Variants in COL24A1 observed in about 807,000 individuals in gnomAD.
COL24A1 encodes collagen alpha-1(XXIV) chain.
Under a neutral mutation model 253.9 loss-of-function variants are expected in COL24A1, and 224 were observed. The observed-to-expected ratio is 0.88, with a 90% CI of 0.79 to 0.99. The LOEUF is 0.99. COL24A1 is among the 50% of genes least tolerant of loss of function. COL24A1 has a pLI of 0.00. For missense variants in COL24A1, 2,131 were observed against 2,068.5 expected (o/e 1.03, Z -0.59); for synonymous variants, 685 against 673.7 (o/e 1.02, Z -0.26).
chr1:85,905,991 C>T (rs1171076423), intron 28 of COL24A1, among the ~76,000 whole-genome samples: 2 of 151,934 alleles, frequency 1.3e-5, no homozygotes, highest in African/African-American at 4.8e-5. Flanking sequence ...GTACTAACCA[C>T]TAAATGGCAG....
chr1:86,037,862 T>C (rs61800726), intron 12 of COL24A1, among the ~76,000 whole-genome samples: 34,939 of 152,142 alleles, frequency 0.23, 4,383 homozygotes, highest in Middle Eastern at 0.44. Context: ...ATAGGTAATG[T>C]TCAATATAAG....
At chr1:85,972,461 T>C (rs1286236695) in intron 20 of COL24A1, among the ~76,000 whole-genome samples, 1 of 152,196 alleles carries the variant, frequency 6.6e-6, no homozygotes, top group East Asian at 1.9e-4. Context: ...TTCAAGAAAC[T>C]GTATTACTTT....
chr1:86,123,516 C>T (rs1474375860), intron 3 of COL24A1, among the ~76,000 whole-genome samples: 1 of 151,884 alleles, frequency 6.6e-6, no homozygotes, highest in Non-Finnish European at 1.5e-5. Context: ...CTTTGTGTTC[C>T]TGCTTTGCTT....
intron 19 of COL24A1, among the ~76,000 whole-genome samples, chr1:85,998,458 T>TGTAATTAA (rs1695075412): frequency 6.6e-6 from 1 of 152,236 alleles, no homozygotes; most frequent in African/African-American, 2.4e-5. Flanking sequence ...CATACTATAC[T>TGTAATTAA]GTAATTAAGG....
At chr1:85,943,830 C>A (rs1314106661) in intron 24 of COL24A1, among the ~76,000 whole-genome samples, 1 of 152,176 alleles carries the variant, frequency 6.6e-6, no homozygotes, top group Non-Finnish European at 1.5e-5. Flanking sequence ...ACACATAGCA[C>A]CAATTTGCTG....
intron 57 of COL24A1, among the ~76,000 whole-genome samples, chr1:85,740,455 CT>C (rs1664489245): frequency 7.1e-6 from 1 of 140,842 alleles, no homozygotes; most frequent in East Asian, 2.6e-4. Context: ...ATTCTACCTT[CT>C]CTCTCTTTTT....
chr1:86,146,666 G>C (rs995300321), intron 1 of COL24A1, among the ~76,000 whole-genome samples: 7 of 151,782 alleles, frequency 4.6e-5, no homozygotes, highest in African/African-American at 1.7e-4. Context: ...CTATTTATTT[G>C]TTTAATGGTT....
At chr1:86,094,764 T>G (rs971555010) in intron 5 of COL24A1, among the ~76,000 whole-genome samples, 22 of 151,988 alleles carry the variant, frequency 1.4e-4, no homozygotes, top group Non-Finnish European at 2.1e-4. Flanking sequence ...ATGGCTTTGG[T>G]GATATCTTAA....
intron 7 of COL24A1, among the ~76,000 whole-genome samples, chr1:86,077,467 ACC>A (rs1702332646): frequency 6.6e-6 from 1 of 152,172 alleles, no homozygotes; most frequent in African/African-American, 2.4e-5. Flanking sequence ...ATATCATTTG[ACC>A]CAGCAATCTC....
At chr1:86,024,070 C>T (rs1697798533) in intron 14 of COL24A1, among the ~76,000 whole-genome samples, 1 of 152,124 alleles carries the variant, frequency 6.6e-6, no homozygotes, top group Non-Finnish European at 1.5e-5. Context: ...TTCCATCAAA[C>T]TTTCCAGTCT....
At position 86,132,415 on chromosome 1, in the gene COL24A1, G is replaced by T. The variant is rs560761610; in HGVS notation, c.122-6201C>A. Among the ~76,000 whole-genome samples the T allele has an allele frequency of 3.5e-4, 53 of 152,058 alleles. No homozygotes were observed. In the South Asian group the frequency reaches 4.2e-3, roughly 12 times the overall value. The stretch of plus-strand genomic sequence containing the variant: ...TTGGCTTTTGTTGCCATTGCTTTTG[G>T]TGTTTTAGACATGAAGTCCTTGCCC... On this transcript the variant is annotated intron_variant, in intron 2 of 59. Coordinates refer to ENST00000370571, the MANE Select transcript of COL24A1 (RefSeq NM_152890.7).
At chr1:86,048,047 A>T (rs1700031029) in intron 11 of COL24A1, among the ~76,000 whole-genome samples, 1 of 152,214 alleles carries the variant, frequency 6.6e-6, no homozygotes, top group Non-Finnish European at 1.5e-5. Context: ...TTAAGACTTT[A>T]TGTATATTTA....
At position 86,017,028 on chromosome 1, in the gene COL24A1, T is replaced by C. The variant is rs563249153; in HGVS notation, c.2310+123A>G. ...CAGAAAAAATGTAGTCCAAACTATT[T>C]ACGGAGATCTAAACTTTAAAGAGGA... On this transcript the variant is annotated intron_variant, in intron 19 of 59. Coordinates refer to ENST00000370571, the MANE Select transcript of COL24A1 (RefSeq NM_152890.7). 170 of 893,200 alleles carry C rather than the reference T, an allele frequency of 1.9e-4. No individual in the cohort carries two copies. In the African/African-American group the frequency reaches 2.8e-3, roughly 15 times the overall value. The allele number at this position is 893,200 out of a possible 1,614,324, so 55.3% of individuals were successfully genotyped here. A position where few individuals can be genotyped will look rare whatever the true frequency, so the allele number is the denominator to read the frequency against.
chr1:85,820,480 C>T (rs1273540656), intron 45 of COL24A1, among the ~76,000 whole-genome samples: 2 of 152,162 alleles, frequency 1.3e-5, no homozygotes, highest in African/African-American at 4.8e-5. Context: ...CAAAATACTT[C>T]TGGCAGGAGG....
At chr1:86,046,375 T>A (rs1699903269) in intron 12 of COL24A1, among the ~76,000 whole-genome samples, 1 of 152,150 alleles carries the variant, frequency 6.6e-6, no homozygotes, top group Non-Finnish European at 1.5e-5. Flanking sequence ...TTCACTTTCC[T>A]GGATTTTTTT....
At chr1:85,997,053 GTGTA>G (rs137904099) in intron 19 of COL24A1, among the ~76,000 whole-genome samples, 150 of 64,740 alleles carry the variant, frequency 2.3e-3, no homozygotes, top group African/African-American at 6.6e-3. Context: ...GTGTGTGTGT[GTGTA>G]TATATATATA....
chr1:85,763,683 TG>T (rs1254924553), intron 53 of COL24A1, among the ~76,000 whole-genome samples: 4 of 151,520 alleles, frequency 2.6e-5, no homozygotes, highest in African/African-American at 7.3e-5. Flanking sequence ...TTAGTAGACA[TG>T]GGGTTTCATC....
intron 47 of COL24A1, among the ~76,000 whole-genome samples, chr1:85,798,080 C>A (rs901474399): frequency 6.6e-6 from 1 of 151,610 alleles, no homozygotes; most frequent in Non-Finnish European, 1.5e-5. Context: ...GCCTGTAGTC[C>A]CAGTTACTTG....
intron 22 of COL24A1, 71 bp from the exon 23 acceptor site, chr1:85,965,133 A>G (rs1691437855): frequency 1.7e-6 from 2 of 1,194,770 alleles, no homozygotes; most frequent in African/African-American, 1.5e-5. Flanking sequence ...GTTTCCTAAG[A>G]TATATGAAAT....
Sources: gnomAD v4.1 joint callset for allele counts (sites outside exome capture counted in the v4.1 genomes callset) on GRCh38, gnomAD v4.1.1 for gene constraint, MANE v1.5 for transcripts, NCBI Gene and HGNC (gene_info 2026-07-23, HGNC 2026-07-21) for gene names.